The following SCO1 variants were observed in gnomAD, a reference collection of about 807,000 sequenced individuals.
SCO1 encodes the protein cytochrome c oxidase assembly factor SCO1.
In SCO1, 23 loss-of-function variants were observed where a neutral mutation model predicts 34.0. The ratio of observed to expected loss-of-function variants is 0.68; its 90% confidence interval spans 0.49 to 0.96. The LOEUF is 0.96. Ranked by LOEUF, SCO1 falls within the 40% of genes least tolerant of loss-of-function variation. The probability of loss-of-function intolerance (pLI) is 0.00; values close to 1 mark genes in which losing one functional copy is unlikely to be tolerated. For synonymous variants in SCO1, 161 were observed against 145.5 expected, an observed-to-expected ratio of 1.11 and a Z score of -0.77; for missense variants, 404 against 381.6, an observed-to-expected ratio of 1.06 and a Z score of -0.49.
intron 1 of SCO1, 80 bp from the exon 2 acceptor site, chr17:10,695,911 T>C (rs2074720086): frequency 1.0e-6 from 1 of 997,746 alleles, no homozygotes; most frequent in Admixed American, 1.8e-5. Flanking sequence ...AAAGTAGTTT[T>C]TAATATACAT....
chr17:10,680,946 C>T lies in SCO1; in HGVS notation c.*173G>A. 1.3e-6 allele frequency: 1 copy of T among 746,736 alleles called. No homozygotes were observed. Among genetic ancestry groups the T allele is most frequent in the South Asian group, 1.6e-5 (1 of 63,320 alleles). The allele number at this position is 746,736 out of a possible 1,614,324, so 46.3% of individuals were successfully genotyped here. A position where few individuals can be genotyped will look rare whatever the true frequency, so the allele number is the denominator to read the frequency against. Reference sequence around the variant, plus strand: ...TTGTAATCTTTACAGTTCCAAGAATCAATTTTGGTTGAACGCAAGGGTAAC... The same window carrying T: ...TTGTAATCTTTACAGTTCCAAGAATTAATTTTGGTTGAACGCAAGGGTAAC... On this transcript the variant is annotated 3_prime_UTR_variant, in exon 6 of 6. Coordinates refer to ENST00000255390, the MANE Select transcript of SCO1 (RefSeq NM_004589.4).
chr17:10,695,590 G>A (rs1177098361), intron 2 of SCO1, 151 bp downstream of exon 2: 2 of 602,378 alleles, frequency 3.3e-6, no homozygotes, highest in Non-Finnish European at 3.0e-6. Context: ...GGGAAGCTGG[G>A]TGAAAGGTAT....
chr17:10,696,721 C>G (rs2151458979), intron 1 of SCO1, among the ~76,000 whole-genome samples: 1 of 152,308 alleles, frequency 6.6e-6, no homozygotes, highest in Admixed American at 6.5e-5. Context: ...CAAAAACCCA[C>G]TTCTCTTACC....
chr17:10,692,683 CTAACAA>C, intron 3 of SCO1, 75 bp downstream of exon 3: 1 of 1,166,052 alleles, frequency 8.6e-7, no homozygotes, highest in Non-Finnish European at 1.3e-6. Flanking sequence ...AAAACCCCAC[CTAACAA>C]TAATACAAGG....
intron 1 of SCO1, among the ~76,000 whole-genome samples, chr17:10,696,046 C>T (rs1271276911): frequency 7.7e-6 from 1 of 129,216 alleles, no homozygotes; most frequent in Non-Finnish European, 1.6e-5. Flanking sequence ...GGGAAAGTTC[C>T]CTAAGTCAGT....
At chr17:10,697,203 G>C in intron 1 of SCO1, 32 bp downstream of exon 1, 2 of 1,488,372 alleles carry the variant, frequency 1.3e-6, no homozygotes, top group Non-Finnish European at 8.9e-7. Flanking sequence ...CAGCCGCGAC[G>C]AGCACCAGAA....
chr17:10,693,134 A>G (rs1158840551), intron 2 of SCO1, among the ~76,000 whole-genome samples, 173 bp from the exon 3 acceptor site: 1 of 152,258 alleles, frequency 6.6e-6, no homozygotes, highest in Non-Finnish European at 1.5e-5. Flanking sequence ...AATAAGCACA[A>G]AACATTAAAA....
chr17:10,686,668 TTATGACTATTTGG>T (rs1233683903), intron 5 of SCO1, 46 bp downstream of exon 5: 24 of 988,084 alleles, frequency 2.4e-5, no homozygotes, highest in Non-Finnish European at 3.5e-5. Context: ...ATTGAAAGCC[TTATGACTATTTGG>T]GATCTGGGAG....
chr17:10,678,224 C>G lies in SCO1; in HGVS notation c.*2895G>C, dbSNP rs545237807. ...AACCTCCGTTTTGGTTGGATTCACA[C>G]AGTCACCATAAGCGCACGATAGCAG... On this transcript the variant is annotated 3_prime_UTR_variant, in exon 6 of 6. Transcript: ENST00000255390. The G allele has an allele frequency of 1.3e-5, 2 of 152,074 alleles. No homozygotes were observed. The highest frequency in any genetic ancestry group is 2.1e-4 in the South Asian group (1 of 4,826). 9.4% of individuals were successfully genotyped at this position (152,074 alleles called of 1,614,324 possible).
chr17:10,686,868 GA>G, intron 4 of SCO1, 26 bp from the exon 5 acceptor site: 1 of 1,446,444 alleles, frequency 6.9e-7, no homozygotes, highest in Non-Finnish European at 9.7e-7. Context: ...GAGAGACAGT[GA>G]AAAATGAGAA....
intron 4 of SCO1, 103 bp from the exon 5 acceptor site, chr17:10,686,945 T>C: frequency 1.3e-6 from 1 of 756,512 alleles, no homozygotes; most frequent in African/African-American, 1.7e-5. Context: ...ACTGCCACTT[T>C]CTTCCTGTGA....
intron 5 of SCO1, among the ~76,000 whole-genome samples, chr17:10,684,670 T>C (rs1267165671): frequency 6.6e-6 from 1 of 152,126 alleles, no homozygotes; most frequent in Non-Finnish European, 1.5e-5. Context: ...TTTAGGACTG[T>C]ATACATTTAA....
intron 5 of SCO1, among the ~76,000 whole-genome samples, chr17:10,683,069 C>T (rs561488220): frequency 3.9e-5 from 6 of 152,252 alleles, no homozygotes; most frequent in South Asian, 2.1e-4. Flanking sequence ...ACATAGAAAA[C>T]GAATATCCAG....
chr17:10,683,470 GA>G (rs2074634760), intron 5 of SCO1, among the ~76,000 whole-genome samples: 1 of 152,100 alleles, frequency 6.6e-6, no homozygotes, highest in South Asian at 2.1e-4. Flanking sequence ...ACTGCCCTCT[GA>G]AGAGGGTGTA....
At position 10,672,721 on chromosome 17, in the gene SCO1, AG is replaced by A. The variant is rs1186931475; in HGVS notation, c.*8397del. 1 of 152,256 alleles carries A rather than the reference AG, an allele frequency of 6.6e-6. No homozygotes were observed. The highest frequency in any genetic ancestry group is 1.9e-4 in the East Asian group (1 of 5,204). The allele number at this position is 152,256 out of a possible 1,614,324, so 9.4% of individuals were successfully genotyped here. A position where few individuals can be genotyped will look rare whatever the true frequency, so the allele number is the denominator to read the frequency against. The stretch of plus-strand genomic sequence containing the variant: ...ATATTTACATTGAGTCTTCTCACCA[AG>A]GAACAAACTATTTTCTTAATTAATA... On this transcript the variant is annotated 3_prime_UTR_variant, in exon 6 of 6. Coordinates refer to ENST00000255390, the MANE Select transcript of SCO1 (RefSeq NM_004589.4).
chr17:10,676,610 C>T lies in SCO1; in HGVS notation c.*4509G>A, dbSNP rs950307359. ...AAAAAAGAAAACTCAAGTTTTCTTT[C>T]GGTTAAATACCCACATCAATGTTCT... On this transcript the variant is annotated 3_prime_UTR_variant, in exon 6 of 6. Coordinates refer to ENST00000255390, the MANE Select transcript of SCO1 (RefSeq NM_004589.4). 5.3e-5 allele frequency: 8 copies of T among 152,134 alleles called. No homozygotes were observed. The highest frequency in any genetic ancestry group is 1.9e-4 in the African/African-American group (8 of 41,416). 9.4% of individuals were successfully genotyped at this position (152,134 alleles called of 1,614,324 possible).
intron 5 of SCO1, 132 bp from the exon 6 acceptor site, chr17:10,681,385 G>C: frequency 9.9e-7 from 1 of 1,012,980 alleles, no homozygotes; most frequent in South Asian, 1.4e-5. Flanking sequence ...ATTATTTATG[G>C]AATAGGCTTA....
At chr17:10,682,958 G>A (rs1182501290) in intron 5 of SCO1, among the ~76,000 whole-genome samples, 6 of 152,140 alleles carry the variant, frequency 3.9e-5, no homozygotes, top group Non-Finnish European at 7.4e-5. Context: ...TTATCACCAC[G>A]TTGCCTCTAG....
rs559405500 is a variant in SCO1 at position 10,693,300 on chromosome 17, C to T, written c.365-339G>A. On this transcript the variant is annotated intron_variant, in intron 2 of 5. Transcript: ENST00000255390. The stretch of plus-strand genomic sequence containing the variant: ...GCTGAATGTCTAAACAAGTGGGGTG[C>T]GGTGGGTGGCCTGGCATAGGGAGTC... Among the ~76,000 whole-genome samples the T allele has an allele frequency of 3.9e-5, 6 of 152,068 alleles. No homozygotes were observed. In the South Asian group the frequency reaches 6.2e-4, roughly 16 times the overall value.
Sources: gnomAD v4.1 joint callset for allele counts (sites outside exome capture counted in the v4.1 genomes callset) on GRCh38, gnomAD v4.1.1 for gene constraint, MANE v1.5 for transcripts, NCBI Gene and HGNC (gene_info 2026-07-23, HGNC 2026-07-21) for gene names.